Variants in GALNT13 observed in about 807,000 individuals in gnomAD.
GALNT13 encodes the protein UDP-GalNAc:polypeptide N-acetylgalactosaminyltransferase 13.
Under a neutral mutation model 64.2 loss-of-function variants are expected in GALNT13, and 28 were observed. The observed-to-expected ratio is 0.44, with a 90% confidence interval of 0.32 to 0.60. The LOEUF (loss-of-function observed/expected upper bound fraction) is 0.60, where lower values mean the gene tolerates loss of function less well. Among genes scored for constraint, GALNT13 ranks in the 20% least tolerant of loss-of-function variants. The probability of loss-of-function intolerance (pLI) is 0.05; values close to 1 mark genes in which losing one functional copy is unlikely to be tolerated. For synonymous variants in GALNT13, 214 were observed against 224.6 expected, an observed-to-expected ratio of 0.95 and a Z score of 0.42; for missense variants, 577 against 669.8, an observed-to-expected ratio of 0.86 and a Z score of 1.53.
chr2:153,692,980 T>C, the GALNT13 span, among the ~76,000 whole-genome samples: 1 of 152,052 alleles, frequency 6.6e-6, no homozygotes, highest in African/African-American at 2.4e-5. Context: ...TTCACATTGT[T>C]CTCCCAACAT....
intron 9 of GALNT13, among the ~76,000 whole-genome samples, chr2:154,355,660 A>G (rs913268617): frequency 3.3e-5 from 5 of 152,058 alleles, no homozygotes; most frequent in Admixed American, 3.3e-4. Flanking sequence ...CCCAGAGTTT[A>G]TTTATAAATG....
chr2:153,374,792 G>C, the GALNT13 span, among the ~76,000 whole-genome samples: 1 of 152,104 alleles, frequency 6.6e-6, no homozygotes, highest in African/African-American at 2.4e-5. Flanking sequence ...TGCAGGATCA[G>C]GTTCTGCCAG....
At chr2:154,310,451 A>C (rs1693972755) in intron 9 of GALNT13, among the ~76,000 whole-genome samples, 1 of 152,196 alleles carries the variant, frequency 6.6e-6, no homozygotes, top group Non-Finnish European at 1.5e-5. Flanking sequence ...ATATATAAAA[A>C]AACAGTATTG....
At chr2:153,808,361 T>G in the GALNT13 span, among the ~76,000 whole-genome samples, 2 of 152,128 alleles carry the variant, frequency 1.3e-5, no homozygotes, top group Non-Finnish European at 2.9e-5. Flanking sequence ...TATAATTGTC[T>G]TTCTTATTTC....
chr2:153,652,763 C>G, the GALNT13 span, among the ~76,000 whole-genome samples: 3 of 152,144 alleles, frequency 2.0e-5, no homozygotes, highest in South Asian at 4.1e-4. Context: ...GAAATTCTTT[C>G]TAGTTCCTTC....
chr2:153,159,827 C>G, the GALNT13 span: 1 of 152,208 alleles, frequency 6.6e-6, no homozygotes, highest in East Asian at 1.9e-4. Context: ...GTATTGCTGT[C>G]TACTGAAGTT....
At chr2:153,385,560 G>C in the GALNT13 span, among the ~76,000 whole-genome samples, 1 of 151,920 alleles carries the variant, frequency 6.6e-6, no homozygotes, top group Non-Finnish European at 1.5e-5. Flanking sequence ...TAGTGGGGTG[G>C]GGAGGTGGAG....
At chr2:153,201,659 C>CAA in the GALNT13 span, 26,628 of 132,684 alleles carry the variant, frequency 0.2, 2,435 homozygotes, top group African/African-American at 0.22. Context: ...TAATTTATCT[C>CAA]AACACACACA....
the GALNT13 span, among the ~76,000 whole-genome samples, chr2:153,123,710 T>C: frequency 1.3e-5 from 2 of 152,198 alleles, no homozygotes; most frequent in Non-Finnish European, 2.9e-5. Context: ...CCTAATGCCT[T>C]TAATGTTAGC....
At chr2:154,214,989 C>T (rs939122061) in intron 4 of GALNT13, among the ~76,000 whole-genome samples, 1 of 152,086 alleles carries the variant, frequency 6.6e-6, no homozygotes, top group Non-Finnish European at 1.5e-5. Context: ...TTGGGGAAAA[C>T]AATATTTTTC....
At chr2:153,314,831 G>T in the GALNT13 span, among the ~76,000 whole-genome samples, 3 of 151,578 alleles carry the variant, frequency 2.0e-5, no homozygotes, top group African/African-American at 7.3e-5. Context: ...ATAAGGTCTT[G>T]TCAGTAACCT....
chr2:153,291,600 G>T, the GALNT13 span, among the ~76,000 whole-genome samples: 155 of 150,860 alleles, frequency 1.0e-3, no homozygotes, highest in African/African-American at 3.6e-3. Context: ...ACTGGAAGGC[G>T]GCTCCTGCTT....
intron 3 of GALNT13, among the ~76,000 whole-genome samples, chr2:154,086,762 G>A (rs1701548790): frequency 6.9e-6 from 1 of 144,716 alleles, no homozygotes; most frequent in South Asian, 2.1e-4. Flanking sequence ...TTATATGTTA[G>A]CATACGCGCA....
chr2:154,294,305 T>C (rs750640690), intron 8 of GALNT13, among the ~76,000 whole-genome samples: 10 of 152,220 alleles, frequency 6.6e-5, no homozygotes, highest in Non-Finnish European at 1.0e-4. Flanking sequence ...GCTTGCAGCA[T>C]TATACCTGTA....
chr2:153,341,996 A>G, the GALNT13 span, among the ~76,000 whole-genome samples: 478 of 152,316 alleles, frequency 3.1e-3, 17 homozygotes, highest in East Asian at 0.084. Context: ...TAATGAGATC[A>G]AATCATTCCC....
chr2:153,533,648 T>C, the GALNT13 span, among the ~76,000 whole-genome samples: 1 of 149,914 alleles, frequency 6.7e-6, no homozygotes, highest in Non-Finnish European at 1.5e-5. Flanking sequence ...TCTCTCTTTT[T>C]CTTCTGCTAT....
the GALNT13 span, among the ~76,000 whole-genome samples, chr2:153,217,503 T>C: frequency 6.6e-6 from 1 of 152,086 alleles, no homozygotes; most frequent in South Asian, 2.1e-4. Context: ...CTGGATGCTG[T>C]TTTATTTTAT....
At chr2:153,650,768 C>A in the GALNT13 span, among the ~76,000 whole-genome samples, 1 of 152,086 alleles carries the variant, frequency 6.6e-6, no homozygotes, top group Admixed American at 6.6e-5. Context: ...CCCAGGCAAA[C>A]AGGTTTGGAG....
the GALNT13 span, among the ~76,000 whole-genome samples, chr2:153,365,715 A>G: frequency 6.6e-6 from 1 of 152,186 alleles, no homozygotes; most frequent in Non-Finnish European, 1.5e-5. Context: ...TGCCAGTCAG[A>G]ATGGCAATTA....
Sources: allele counts gnomAD v4.1 joint callset (sites outside exome capture counted in the v4.1 genomes callset), GRCh38; gene constraint gnomAD v4.1.1; transcripts MANE v1.5; gene names NCBI Gene and HGNC (gene_info 2026-07-23, HGNC 2026-07-21).